Variants in DOCK1 observed in about 807,000 individuals in gnomAD.
DOCK1 encodes the protein dedicator of cytokinesis protein 1.
DOCK1 carries 138 observed loss-of-function variants against 262.7 expected under a neutral mutation model. The ratio of observed to expected loss-of-function variants is 0.53; its 90% CI spans 0.46 to 0.61. DOCK1 has a LOEUF of 0.61. Ranked by LOEUF, DOCK1 falls within the 20% of genes least tolerant of loss-of-function variation. The probability of loss-of-function intolerance (pLI) is 0.00; values close to 1 mark genes in which losing one functional copy is unlikely to be tolerated. For missense variants in DOCK1, 1,908 were observed against 2,370.7 expected (o/e 0.80, Z 4.05); for synonymous variants, 866 against 867.4 (o/e 1.00, Z 0.03).
chr10:127,361,027 CT>C (rs1257549625), intron 32 of DOCK1, among the ~76,000 whole-genome samples: 1 of 149,736 alleles, frequency 6.7e-6, no homozygotes, highest in African/African-American at 2.5e-5. Context: ...ATTTGAAAAA[CT>C]TTTGAGAAAC....
chr10:127,428,904 GAGCCGTGT>G (rs2069047789), intron 47 of DOCK1, among the ~76,000 whole-genome samples: 1 of 144,130 alleles, frequency 6.9e-6, no homozygotes, highest in Admixed American at 6.9e-5. Flanking sequence ...CGTGTGGATT[GAGCCGTGT>G]GGATTGGGGT....
intron 12 of DOCK1, among the ~76,000 whole-genome samples, chr10:127,017,097 ATACACAC>A (rs1399419747): frequency 2.2e-5 from 3 of 134,844 alleles, no homozygotes; most frequent in African/African-American, 8.5e-5. Flanking sequence ...CCACAAACAC[ATACACAC>A]CAACACATGA....
At chr10:127,323,550 G>A (rs187608156) in intron 29 of DOCK1, among the ~76,000 whole-genome samples, 1 of 152,270 alleles carries the variant, frequency 6.6e-6, no homozygotes, top group East Asian at 1.9e-4. Context: ...AGATCTGTGG[G>A]GTCTTCCCTC....
At chr10:127,427,702 C>T (rs1442754802) in intron 47 of DOCK1, among the ~76,000 whole-genome samples, 3 of 152,218 alleles carry the variant, frequency 2.0e-5, no homozygotes, top group African/African-American at 7.2e-5. Flanking sequence ...GCCTCTTTCC[C>T]ACATGGTAGG....
chr10:127,056,393 G>C (rs769473321), intron 22 of DOCK1, among the ~76,000 whole-genome samples: 6 of 152,038 alleles, frequency 3.9e-5, no homozygotes, highest in Non-Finnish European at 8.8e-5. Context: ...ACATGGTCTC[G>C]CTATGTTGCC....
chr10:127,412,000 T>A (rs1017444654), intron 43 of DOCK1, among the ~76,000 whole-genome samples: 5 of 152,034 alleles, frequency 3.3e-5, no homozygotes, highest in Non-Finnish European at 7.4e-5. Flanking sequence ...CCTCGCTCTG[T>A]CGCCCAAGCT....
At chr10:126,917,450 G>A (rs569788875) in intron 1 of DOCK1, among the ~76,000 whole-genome samples, 10 of 152,210 alleles carry the variant, frequency 6.6e-5, no homozygotes, top group South Asian at 2.1e-4. Flanking sequence ...CAGCCAGCCC[G>A]GAAGCCCTTT....
intron 23 of DOCK1, among the ~76,000 whole-genome samples, chr10:127,091,148 AT>A (rs574872380): frequency 2.0e-5 from 3 of 151,244 alleles, no homozygotes; most frequent in African/African-American, 4.9e-5. Context: ...CACCTGGCTA[AT>A]TTTTTTTGCA....
intron 27 of DOCK1, among the ~76,000 whole-genome samples, chr10:127,193,425 T>G (rs184602852): frequency 1.9e-3 from 296 of 152,304 alleles, no homozygotes; most frequent in African/African-American, 4.4e-3. Context: ...ACTGCCCTCC[T>G]ACGTAAATAT....
At chr10:127,439,271 A>T in intron 49 of DOCK1, 46 bp downstream of exon 49, 1 of 1,563,434 alleles carries the variant, frequency 6.4e-7, no homozygotes. Context: ...AGCTTCAGGG[A>T]CCTACCTTTG....
At chr10:127,190,760 C>T (rs1454319929) in intron 27 of DOCK1, among the ~76,000 whole-genome samples, 1 of 144,420 alleles carries the variant, frequency 6.9e-6, no homozygotes, top group Non-Finnish European at 1.5e-5. Flanking sequence ...CATCTTTAAT[C>T]CCTTCTTTCT....
chr10:127,212,364 CAT>C (rs1339832766), intron 27 of DOCK1, among the ~76,000 whole-genome samples: 2 of 152,098 alleles, frequency 1.3e-5, no homozygotes, highest in African/African-American at 4.8e-5. Context: ...ATTTTTTGCA[CAT>C]GATTTTATAC....
intron 29 of DOCK1, among the ~76,000 whole-genome samples, chr10:127,335,770 A>G (rs1178601616): frequency 1.3e-5 from 2 of 149,664 alleles, no homozygotes; most frequent in African/African-American, 4.9e-5. Flanking sequence ...GCTGGAGTGC[A>G]GTGGTGCAAT....
In DOCK1 at chr10:127,335,672, T is replaced by C. The variant is rs534282152; in HGVS notation, c.3045-3334T>C. ...CAGTGATTCTCCTGCCTCAGCCTCC[T>C]GAGTAGCTGGGATTACAGGTGCACA... On this transcript the variant is annotated intron_variant, in intron 29 of 51. Transcript: ENST00000623213. Among the ~76,000 whole-genome samples, 51 of 147,818 alleles carry C rather than the reference T, an allele frequency of 3.5e-4. No homozygotes were observed. The South Asian group carries it at 0.011, about 32-fold the overall frequency.
At chr10:127,246,535 G>A (rs2134763023) in intron 27 of DOCK1, among the ~76,000 whole-genome samples, 1 of 152,246 alleles carries the variant, frequency 6.6e-6, no homozygotes, top group South Asian at 2.1e-4. Context: ...TTGCCTCAAT[G>A]GAAAACAAGC....
intron 28 of DOCK1, among the ~76,000 whole-genome samples, chr10:127,251,584 A>G (rs369903341): frequency 7.9e-6 from 1 of 126,600 alleles, no homozygotes; most frequent in East Asian, 2.5e-4. Flanking sequence ...TCCTGTGTCC[A>G]TGTGTTCTCA....
intron 29 of DOCK1, among the ~76,000 whole-genome samples, chr10:127,324,416 C>G (rs7920388): frequency 0.055 from 8,311 of 152,230 alleles, 761 homozygotes; most frequent in African/African-American, 0.19. Flanking sequence ...GAGAAGACAG[C>G]CTCTGGGTCT....
intron 33 of DOCK1, among the ~76,000 whole-genome samples, chr10:127,368,044 C>T (rs2065020565): frequency 6.6e-6 from 1 of 152,164 alleles, no homozygotes; most frequent in Non-Finnish European, 1.5e-5. Flanking sequence ...ATACTCAAGG[C>T]CACTGTGGAC....
At chr10:126,933,158 G>T (rs2034307985) in intron 1 of DOCK1, among the ~76,000 whole-genome samples, 1 of 152,088 alleles carries the variant, frequency 6.6e-6, no homozygotes, top group African/African-American at 2.4e-5. Context: ...TTCTGTGGAG[G>T]TGTTGAGATT....
Sources: gnomAD v4.1 joint callset for allele counts (sites outside exome capture counted in the v4.1 genomes callset) on GRCh38, gnomAD v4.1.1 for gene constraint, MANE v1.5 for transcripts, NCBI Gene and HGNC (gene_info 2026-07-23, HGNC 2026-07-21) for gene names.